Variants in GALNT13 observed in about 807,000 individuals in gnomAD.
GALNT13 encodes UDP-GalNAc:polypeptide N-acetylgalactosaminyltransferase 13.
Under a neutral mutation model 64.2 loss-of-function variants are expected in GALNT13, and 28 were observed. The ratio of observed to expected loss-of-function variants is 0.44; its 90% confidence interval spans 0.32 to 0.60. The LOEUF (loss-of-function observed/expected upper bound fraction) is 0.60, where lower values mean the gene tolerates loss of function less well. Among genes scored for constraint, GALNT13 ranks in the 20% least tolerant of loss-of-function variants. The probability of loss-of-function intolerance (pLI) is 0.05; values close to 1 mark genes in which losing one functional copy is unlikely to be tolerated. For missense variants in GALNT13, 577 were observed against 669.8 expected (o/e 0.86, Z 1.53); for synonymous variants, 214 against 224.6 (o/e 0.95, Z 0.42).
the GALNT13 span, among the ~76,000 whole-genome samples, chr2:153,074,953 G>A: frequency 6.6e-6 from 1 of 152,092 alleles, no homozygotes; most frequent in Non-Finnish European, 1.5e-5. Flanking sequence ...GCCTGGTCTG[G>A]AACTCCTGGC....
At chr2:154,131,215 C>T (rs953861878) in intron 3 of GALNT13, among the ~76,000 whole-genome samples, 4 of 151,162 alleles carry the variant, frequency 2.6e-5, no homozygotes, top group Non-Finnish European at 5.9e-5. Flanking sequence ...ACATTTGTGA[C>T]TGTAACATGT....
At chr2:153,579,177 C>G in the GALNT13 span, among the ~76,000 whole-genome samples, 1 of 152,180 alleles carries the variant, frequency 6.6e-6, no homozygotes, top group Non-Finnish European at 1.5e-5. Flanking sequence ...AGATTAAAAA[C>G]TATCCTGAGT....
At chr2:153,670,385 C>T in the GALNT13 span, among the ~76,000 whole-genome samples, 5 of 152,262 alleles carry the variant, frequency 3.3e-5, no homozygotes, top group South Asian at 2.1e-4. Context: ...CTGCAGCCTC[C>T]GCTGGTGATA....
At chr2:153,886,388 G>C (rs1209805126) in intron 1 of GALNT13, among the ~76,000 whole-genome samples, 14 of 146,294 alleles carry the variant, frequency 9.6e-5, no homozygotes, top group African/African-American at 3.5e-4. Flanking sequence ...ACAGGCCCCA[G>C]TGTGTGATGT....
intron 3 of GALNT13, among the ~76,000 whole-genome samples, chr2:154,029,258 A>T (rs547849939): frequency 1.1e-4 from 17 of 151,952 alleles, no homozygotes; most frequent in African/African-American, 4.1e-4. Context: ...TAGCATAAGA[A>T]GTACAGGAAT....
chr2:154,373,564 A>G (rs1189618483), intron 9 of GALNT13, among the ~76,000 whole-genome samples: 1 of 152,210 alleles, frequency 6.6e-6, no homozygotes, highest in African/African-American at 2.4e-5. Context: ...AAGGGATAGA[A>G]CAGACAACTT....
At chr2:153,069,364 TCTTA>T in the GALNT13 span, among the ~76,000 whole-genome samples, 1 of 152,182 alleles carries the variant, frequency 6.6e-6, no homozygotes, top group African/African-American at 2.4e-5. Context: ...TCGCACGCCA[TCTTA>T]CCTGGGAAGA....
chr2:154,272,118 T>A (rs1252452448), intron 8 of GALNT13, among the ~76,000 whole-genome samples: 1 of 151,994 alleles, frequency 6.6e-6, no homozygotes, highest in Non-Finnish European at 1.5e-5. Flanking sequence ...TTTATAGGGC[T>A]TATCCAGAAA....
chr2:153,807,705 A>G, the GALNT13 span, among the ~76,000 whole-genome samples: 10 of 151,986 alleles, frequency 6.6e-5, no homozygotes, highest in Admixed American at 3.9e-4. Context: ...ACATTTCTTT[A>G]AATGTGTTAT....
At chr2:153,253,102 G>A in the GALNT13 span, among the ~76,000 whole-genome samples, 1 of 151,868 alleles carries the variant, frequency 6.6e-6, no homozygotes, top group African/African-American at 2.4e-5. Flanking sequence ...CTACCCATGA[G>A]CATGGGATAT....
chr2:153,145,841 C>T, the GALNT13 span, among the ~76,000 whole-genome samples: 13 of 151,818 alleles, frequency 8.6e-5, no homozygotes, highest in Admixed American at 2.6e-4. Context: ...AGCATGACCT[C>T]GAACTATTAA....
chr2:153,182,521 T>C, the GALNT13 span, among the ~76,000 whole-genome samples: 1 of 152,186 alleles, frequency 6.6e-6, no homozygotes, highest in Admixed American at 6.5e-5. Context: ...TGTTCCATGG[T>C]GGTTTGCTGC....
chr2:154,074,207 C>G (rs1189164676), intron 3 of GALNT13, among the ~76,000 whole-genome samples: 1 of 151,704 alleles, frequency 6.6e-6, no homozygotes, highest in Non-Finnish European at 1.5e-5. Flanking sequence ...AGCTGCTATA[C>G]CACATTTTGA....
chr2:153,802,532 C>T, the GALNT13 span, among the ~76,000 whole-genome samples: 1 of 152,182 alleles, frequency 6.6e-6, no homozygotes, highest in Non-Finnish European at 1.5e-5. Context: ...CCAGGCTCTG[C>T]TCACTCTGCT....
the GALNT13 span, among the ~76,000 whole-genome samples, chr2:153,738,576 T>A: frequency 6.6e-6 from 1 of 151,990 alleles, no homozygotes; most frequent in Non-Finnish European, 1.5e-5. Flanking sequence ...GCTCTTTTAT[T>A]TACATTGGTT....
chr2:153,174,722 A>C, the GALNT13 span, among the ~76,000 whole-genome samples: 2 of 152,208 alleles, frequency 1.3e-5, no homozygotes, highest in African/African-American at 4.8e-5. Flanking sequence ...GTTCTCTGCC[A>C]CTTAATAACA....
chr2:153,740,851 A>G, the GALNT13 span, among the ~76,000 whole-genome samples: 9 of 152,284 alleles, frequency 5.9e-5, no homozygotes, highest in East Asian at 1.7e-3. Flanking sequence ...GTTTATGCAT[A>G]TCATTTGGGG....
At chr2:153,439,760 C>T in the GALNT13 span, among the ~76,000 whole-genome samples, 13 of 152,122 alleles carry the variant, frequency 8.5e-5, no homozygotes, top group Admixed American at 2.6e-4. Flanking sequence ...TGACTTGTTG[C>T]GCTTCCTGGG....
intron 3 of GALNT13, among the ~76,000 whole-genome samples, chr2:154,000,137 G>A (rs1695803164): frequency 6.6e-6 from 1 of 151,398 alleles, no homozygotes; most frequent in Non-Finnish European, 1.5e-5. Context: ...TTGTTCATAA[G>A]TATCTATTAT....
Sources: gnomAD v4.1 joint callset for allele counts (sites outside exome capture counted in the v4.1 genomes callset) on GRCh38, gnomAD v4.1.1 for gene constraint, MANE v1.5 for transcripts, NCBI Gene and HGNC (gene_info 2026-07-23, HGNC 2026-07-21) for gene names.